Variants in DCC observed in about 807,000 individuals in gnomAD.
DCC encodes DCC netrin 1 receptor.
A neutral mutation model predicts 172.5 loss-of-function variants in DCC; 58 were observed. The ratio of observed to expected loss-of-function variants is 0.34; its 90% CI spans 0.27 to 0.42. DCC has a LOEUF of 0.42. Ranked by LOEUF, DCC falls within the 10% of genes least tolerant of loss-of-function variation. The probability of loss-of-function intolerance (pLI) is 1.00; values close to 1 mark genes in which losing one functional copy is unlikely to be tolerated. For missense variants in DCC, 1,740 were observed against 1,791.0 expected (o/e 0.97, Z 0.51); for synonymous variants, 709 against 644.5 (o/e 1.10, Z -1.52).
chr18:53,167,254 A>C (rs2054935852), intron 8 of DCC, among the ~76,000 whole-genome samples: 1 of 152,210 alleles, frequency 6.6e-6, no homozygotes, highest in African/African-American at 2.4e-5. Context: ...GACTTGCTAC[A>C]AATAATCCAC....
At chr18:53,110,291 A>T (rs1256407254) in intron 7 of DCC, among the ~76,000 whole-genome samples, 1 of 151,776 alleles carries the variant, frequency 6.6e-6, no homozygotes, top group African/African-American at 2.4e-5. Context: ...GTTGACAGAT[A>T]GGCAAAGCCT....
intron 2 of DCC, among the ~76,000 whole-genome samples, chr18:52,818,957 C>G (rs887882702): frequency 6.6e-6 from 1 of 152,126 alleles, no homozygotes; most frequent in Non-Finnish European, 1.5e-5. Flanking sequence ...TAAGGTGATT[C>G]ATGGAGAGAA....
At chr18:53,076,275 G>A (rs2042723982) in intron 7 of DCC, among the ~76,000 whole-genome samples, 1 of 152,152 alleles carries the variant, frequency 6.6e-6, no homozygotes, top group Admixed American at 6.6e-5. Context: ...ATGGTAAACA[G>A]AGATTCTCCA....
intron 1 of DCC, among the ~76,000 whole-genome samples, chr18:52,478,429 C>T (rs1183129490): frequency 6.6e-6 from 1 of 152,126 alleles, no homozygotes; most frequent in African/African-American, 2.4e-5. Flanking sequence ...TCACACAAGT[C>T]TCCAATATCT....
At chr18:53,059,656 T>C (rs2042466101) in intron 5 of DCC, among the ~76,000 whole-genome samples, 1 of 152,176 alleles carries the variant, frequency 6.6e-6, no homozygotes, top group Non-Finnish European at 1.5e-5. Flanking sequence ...TAAATAGTCA[T>C]GGTACCTCAT....
intron 1 of DCC, among the ~76,000 whole-genome samples, chr18:52,527,510 T>A (rs8082887): frequency 0.011 from 1,668 of 152,344 alleles, 36 homozygotes; most frequent in African/African-American, 0.037. Flanking sequence ...CAGTTGTTTA[T>A]CTTCAGGGCA....
intron 14 of DCC, among the ~76,000 whole-genome samples, chr18:53,333,746 T>C (rs1208648263): frequency 6.6e-6 from 1 of 152,190 alleles, no homozygotes; most frequent in East Asian, 1.9e-4. Context: ...AATAACATGA[T>C]CTTAATTGCA....
chr18:53,294,005 G>T (rs2057036415), intron 12 of DCC, among the ~76,000 whole-genome samples: 1 of 152,080 alleles, frequency 6.6e-6, no homozygotes, highest in African/African-American at 2.4e-5. Context: ...AGTCTCCTGT[G>T]CTCCTACAAT....
At chr18:52,944,895 T>C (rs960075082) in intron 5 of DCC, among the ~76,000 whole-genome samples, 2 of 152,238 alleles carry the variant, frequency 1.3e-5, no homozygotes, top group South Asian at 4.1e-4. Flanking sequence ...TCCAAAGTTT[T>C]AGTTGTCTAT....
chr18:53,280,758 T>C, intron 12 of DCC, among the ~76,000 whole-genome samples: 1 of 152,110 alleles, frequency 6.6e-6, no homozygotes, highest in East Asian at 1.9e-4. Flanking sequence ...ATCTAAAATA[T>C]CCTTGAAGTT....
chr18:52,779,546 C>A (rs1158096922), intron 2 of DCC, among the ~76,000 whole-genome samples: 1 of 152,144 alleles, frequency 6.6e-6, no homozygotes, highest in Non-Finnish European at 1.5e-5. Flanking sequence ...CTTTATCCAG[C>A]TTATCATTGA....
At chr18:53,482,321 A>G (rs1464722072) in intron 25 of DCC, among the ~76,000 whole-genome samples, 2 of 152,160 alleles carry the variant, frequency 1.3e-5, no homozygotes, top group African/African-American at 4.8e-5. Context: ...ATGCAGAAAC[A>G]TACAACAGAT....
At chr18:53,051,976 T>C (rs1026282134) in intron 5 of DCC, among the ~76,000 whole-genome samples, 2 of 152,136 alleles carry the variant, frequency 1.3e-5, no homozygotes, top group Admixed American at 1.3e-4. Flanking sequence ...ATTTTAATAC[T>C]GCATCATCTT....
Position 53,043,137 on chromosome 18 carries a change from G to A in DCC, c.986-20168G>A, listed in dbSNP as rs568887311. Among the ~76,000 whole-genome samples, 93 of 151,804 alleles carry A rather than the reference G, an allele frequency of 6.1e-4. 1 individual carries two copies. Among genetic ancestry groups the A allele is most frequent in the African/African-American group, 1.2e-3 (48 of 41,358 alleles). ...ATACACCATGGAATACTATGCCTCC[G>A]TAAAAAAGAATGAGTTCATGCCCTT... On this transcript the variant is annotated intron_variant, in intron 5 of 28. Coordinates refer to ENST00000442544, the MANE Select transcript of DCC (RefSeq NM_005215.4).
intron 21 of DCC, among the ~76,000 whole-genome samples, chr18:53,428,203 TATA>T (rs1356632299): frequency 2.7e-5 from 1 of 37,722 alleles, no homozygotes; most frequent in Non-Finnish European, 6.1e-5. Flanking sequence ...TATATAATAT[TATA>T]TATAAGTATA....
chr18:53,466,566 C>A (rs1344407297), intron 24 of DCC, among the ~76,000 whole-genome samples: 1 of 152,142 alleles, frequency 6.6e-6, no homozygotes, highest in East Asian at 1.9e-4. Flanking sequence ...CTCTCTGTCA[C>A]CCAAGCTGGA....
intron 5 of DCC, among the ~76,000 whole-genome samples, chr18:53,049,121 C>A (rs1263553298): frequency 6.6e-6 from 1 of 151,510 alleles, no homozygotes; most frequent in Non-Finnish European, 1.5e-5. Flanking sequence ...ATATTTTATC[C>A]CATTCTGTAG....
chr18:53,500,694 T>C (rs966812746), intron 27 of DCC, among the ~76,000 whole-genome samples: 1 of 151,846 alleles, frequency 6.6e-6, no homozygotes, highest in African/African-American at 2.4e-5. Context: ...ACACAGCCCC[T>C]GGGAGGTGGA....
chr18:52,812,139 G>C (rs1054357329), intron 2 of DCC, among the ~76,000 whole-genome samples: 4 of 152,192 alleles, frequency 2.6e-5, no homozygotes, highest in Admixed American at 2.0e-4. Flanking sequence ...GATTGAAAAT[G>C]ATTGAATTTA....
Sources: allele counts gnomAD v4.1 joint callset (sites outside exome capture counted in the v4.1 genomes callset), GRCh38; gene constraint gnomAD v4.1.1; transcripts MANE v1.5; gene names NCBI Gene and HGNC (gene_info 2026-07-23, HGNC 2026-07-21).